The following PRKG1 variants were observed in gnomAD, a reference collection of about 807,000 sequenced individuals.
PRKG1 encodes the protein protein kinase cGMP-dependent 1, also known as cGMP-dependent protein kinase 1.
In PRKG1, 35 loss-of-function variants were observed where a neutral mutation model predicts 88.1. The observed-to-expected ratio is 0.40, with a 90% CI of 0.30 to 0.53. The LOEUF is 0.53. PRKG1 is among the 20% of genes least tolerant of loss of function. The pLI is 0.59. For missense variants in PRKG1, 540 were observed against 839.8 expected, an observed-to-expected ratio of 0.64 and a Z score of 4.41; for synonymous variants, 303 against 292.5, an observed-to-expected ratio of 1.04 and a Z score of -0.37.
intron 2 of PRKG1, among the ~76,000 whole-genome samples, chr10:51,343,384 T>C (rs1222232074): frequency 1.3e-5 from 2 of 152,194 alleles, no homozygotes; most frequent in African/African-American, 4.8e-5. Flanking sequence ...AATGTGGTTA[T>C]TTCTGTTAAA....
chr10:51,525,829 CTT>C (rs747976301), intron 3 of PRKG1, among the ~76,000 whole-genome samples: 16 of 145,988 alleles, frequency 1.1e-4, no homozygotes, highest in Non-Finnish European at 1.2e-4. Context: ...ACTCTTAGCA[CTT>C]TTTTTTTTTT....
chr10:52,137,607 A>C (rs1229831965), intron 8 of PRKG1, among the ~76,000 whole-genome samples: 1 of 152,158 alleles, frequency 6.6e-6, no homozygotes, highest in Non-Finnish European at 1.5e-5. Context: ...TAACCTATGC[A>C]TGTCTTCCCT....
chr10:51,288,245 G>A (rs201273154), intron 2 of PRKG1, among the ~76,000 whole-genome samples: 2 of 151,962 alleles, frequency 1.3e-5, no homozygotes, highest in East Asian at 3.9e-4. Flanking sequence ...TGCTTTTCGG[G>A]AGTCACATGG....
At chr10:51,381,525 A>G (rs1022651560) in intron 2 of PRKG1, among the ~76,000 whole-genome samples, 2 of 152,168 alleles carry the variant, frequency 1.3e-5, no homozygotes, top group Non-Finnish European at 2.9e-5. Flanking sequence ...GAATTGAGTC[A>G]CAGAACTTGG....
chr10:51,625,167 T>C (rs532501849), intron 3 of PRKG1, among the ~76,000 whole-genome samples: 2 of 152,202 alleles, frequency 1.3e-5, no homozygotes, highest in Non-Finnish European at 2.9e-5. Context: ...CTGAACCCCA[T>C]ATGTGTGTAC....
At chr10:52,273,564 G>A (rs1487475577) in intron 12 of PRKG1, among the ~76,000 whole-genome samples, 1 of 151,910 alleles carries the variant, frequency 6.6e-6, no homozygotes, top group Non-Finnish European at 1.5e-5. Context: ...GTGTTCTTAT[G>A]GTACCTTCAT....
intron 3 of PRKG1, among the ~76,000 whole-genome samples, chr10:51,629,517 T>C (rs1289763868): frequency 6.6e-6 from 1 of 151,802 alleles, no homozygotes; most frequent in East Asian, 1.9e-4. Context: ...TACACCATAA[T>C]CTCATTTTGA....
At position 51,092,428 on chromosome 10, in the gene PRKG1, C is replaced by T. The variant is rs148302606; in HGVS notation, c.311+17527C>T. On this transcript the variant is annotated intron_variant, in intron 1 of 17. Coordinates refer to ENST00000373980, the MANE Select transcript of PRKG1 (RefSeq NM_006258.4). Reference sequence around the variant, plus strand: ...TGAGGCTGAAAGCAGATGAAGAAGACGAAATGGTCTCTAAAGTAGGTGGTC... The same window carrying T: ...TGAGGCTGAAAGCAGATGAAGAAGATGAAATGGTCTCTAAAGTAGGTGGTC... 1.3e-4 allele frequency among the ~76,000 whole-genome samples: 20 copies of T among 152,200 alleles called. No homozygotes were observed. The East Asian group carries it at 2.3e-3, about 18-fold the overall frequency.
rs191215933 is a variant in PRKG1, at chr10:52,078,051, G to T, written c.935+15420G>T. On this transcript the variant is annotated intron_variant, in intron 7 of 17. Transcript: ENST00000373980. Reference sequence around the variant, plus strand: ...TCACTGTCTACTCGACGACATCGTTGCTGCAAGCCTGCTTCCCATATGGGG... The same window carrying T: ...TCACTGTCTACTCGACGACATCGTTTCTGCAAGCCTGCTTCCCATATGGGG... Among the ~76,000 whole-genome samples the T allele has an allele frequency of 2.0e-5, 3 of 152,320 alleles. No homozygotes were observed. The East Asian group carries it at 5.8e-4, about 29-fold the overall frequency.
At chr10:51,086,950 G>T (rs1844268758) in intron 1 of PRKG1, among the ~76,000 whole-genome samples, 1 of 152,106 alleles carries the variant, frequency 6.6e-6, no homozygotes, top group Non-Finnish European at 1.5e-5. Context: ...ATTTTTCTTG[G>T]CAAGAGTGAG....
intron 10 of PRKG1, among the ~76,000 whole-genome samples, chr10:52,258,491 A>G (rs1409582921): frequency 6.6e-6 from 1 of 151,578 alleles, no homozygotes; most frequent in African/African-American, 2.4e-5. Context: ...AACATGAGAC[A>G]TGATCCACAT....
chr10:51,382,242 A>C (rs1837125472), intron 2 of PRKG1, among the ~76,000 whole-genome samples: 1 of 152,220 alleles, frequency 6.6e-6, no homozygotes, highest in African/African-American at 2.4e-5. Flanking sequence ...TTAACATCTT[A>C]GAATGGAGGC....
Position 51,629,916 on chromosome 10 carries a change from A to G in PRKG1, c.592+162080A>G, listed in dbSNP as rs189901976. 2.6e-4 allele frequency among the ~76,000 whole-genome samples: 40 copies of G among 152,312 alleles called. 1 individual carries two copies. The highest frequency in any genetic ancestry group is 9.6e-4 in the African/African-American group (40 of 41,564). On this transcript the variant is annotated intron_variant, in intron 3 of 17. Coordinates refer to ENST00000373980, the MANE Select transcript of PRKG1 (RefSeq NM_006258.4). ...CAAACCCTCTGCTAATGTTTGAAAC[A>G]TGTCAGAAATTCCAATGTTCACTCA...
At chr10:52,280,992 T>C in intron 13 of PRKG1, 62 bp downstream of exon 13, 2 of 1,526,788 alleles carry the variant, frequency 1.3e-6, no homozygotes, top group Non-Finnish European at 8.9e-7. Flanking sequence ...TATAAAACTG[T>C]GTTCATTTGC....
intron 1 of PRKG1, among the ~76,000 whole-genome samples, chr10:51,119,592 G>T (rs1845213231): frequency 6.6e-6 from 1 of 151,962 alleles, no homozygotes; most frequent in African/African-American, 2.4e-5. Context: ...CTAATTTAAT[G>T]ACCCTGTTCA....
intron 1 of PRKG1, among the ~76,000 whole-genome samples, chr10:51,141,541 C>A (rs1028515028): frequency 6.6e-6 from 1 of 152,138 alleles, no homozygotes; most frequent in Admixed American, 6.5e-5. Context: ...CATTTACCTG[C>A]AGTGGCTGAT....
Position 52,188,286 on chromosome 10 carries a change from ATGTG to A in PRKG1, c.1076+26325_1076+26328del, listed in dbSNP as rs1169707475. Among the ~76,000 whole-genome samples the A allele has an allele frequency of 2.2e-3, 69 of 31,050 alleles. 1 individual carries two copies. Among genetic ancestry groups the A allele is most frequent in the Middle Eastern group, 0.034 (2 of 58 alleles). 20.4% of individuals were successfully genotyped at this position (31,050 alleles called of 152,430 possible). A position where few individuals can be genotyped will look rare whatever the true frequency, so the allele number is the denominator to read the frequency against. ...TACATATGTATATATATACATATAT[ATGTG>A]TATATATATATGTATATATATACAT... On this transcript the variant is annotated intron_variant, in intron 9 of 17. Coordinates refer to ENST00000373980, the MANE Select transcript of PRKG1 (RefSeq NM_006258.4).
chr10:51,600,377 A>G (rs114331502), intron 3 of PRKG1, among the ~76,000 whole-genome samples: 1,744 of 152,314 alleles, frequency 0.011, 30 homozygotes, highest in African/African-American at 0.039. Context: ...AAATTTTGAG[A>G]AGCCATAAAG....
At chr10:51,235,282 T>C (rs1321626752) in intron 2 of PRKG1, among the ~76,000 whole-genome samples, 3 of 152,180 alleles carry the variant, frequency 2.0e-5, no homozygotes, top group Non-Finnish European at 4.4e-5. Flanking sequence ...TAAGATTAAA[T>C]ATTACTATTT....
Sources: gnomAD v4.1 joint callset for allele counts (sites outside exome capture counted in the v4.1 genomes callset) on GRCh38, gnomAD v4.1.1 for gene constraint, MANE v1.5 for transcripts, NCBI Gene and HGNC (gene_info 2026-07-23, HGNC 2026-07-21) for gene names.